The following KHDRBS3 variants were observed in gnomAD, a reference collection of about 807,000 sequenced individuals.
The protein encoded by KHDRBS3 is KH RNA binding domain containing, signal transduction associated 3, also known as KH domain-containing, RNA-binding, signal transduction-associated protein 3.
In KHDRBS3, 23 loss-of-function variants were observed where a neutral mutation model predicts 45.6. The ratio of observed to expected loss-of-function variants is 0.50; its 90% CI spans 0.36 to 0.72. The LOEUF (loss-of-function observed/expected upper bound fraction) is 0.72. Among genes scored for constraint, KHDRBS3 ranks in the 30% least tolerant of loss-of-function variants. The probability of loss-of-function intolerance (pLI) is 0.00; values close to 1 mark genes in which losing one functional copy is unlikely to be tolerated. For synonymous variants in KHDRBS3, 162 were observed against 156.5 expected, an observed-to-expected ratio of 1.04 and a Z score of -0.26; for missense variants, 352 against 424.8, an observed-to-expected ratio of 0.83 and a Z score of 1.51.
chr8:135,526,208 G>A (rs1825177430), intron 2 of KHDRBS3, among the ~76,000 whole-genome samples: 1 of 151,944 alleles, frequency 6.6e-6, no homozygotes. Flanking sequence ...CTCGGAATGT[G>A]TTCACATCAT....
At chr8:135,609,356 G>A (rs183447047) in intron 7 of KHDRBS3, among the ~76,000 whole-genome samples, 923 of 150,232 alleles carry the variant, frequency 6.1e-3, no homozygotes, top group Non-Finnish European at 0.01. Flanking sequence ...ATGCAGTGGC[G>A]TGATCTCAGC....
chr8:135,599,243 T>C (rs1166004513), intron 6 of KHDRBS3, among the ~76,000 whole-genome samples: 2 of 152,248 alleles, frequency 1.3e-5, no homozygotes, highest in Non-Finnish European at 2.9e-5. Context: ...GTTTCGAAGC[T>C]AAAAAGTCAG....
At position 135,542,790 on chromosome 8, in the gene KHDRBS3, A is replaced by C. The variant is rs199553161; in HGVS notation, c.324+20A>C. 9.3e-5 allele frequency: 139 copies of C among 1,490,364 alleles called. No individual in the cohort carries two copies. Among genetic ancestry groups the C allele is most frequent in the Non-Finnish European group, 1.2e-4 (129 of 1,069,392 alleles). 92.3% of individuals were successfully genotyped at this position (1,490,364 alleles called of 1,614,324 possible). On this transcript the variant is annotated intron_variant, in intron 3 of 8. Transcript: ENST00000355849. The stretch of plus-strand genomic sequence containing the variant: ...GCCAAGGTAATATTAATTATAGAAA[A>C]CGGCTAAGTTGTGTATCATGTTATA...
intron 3 of KHDRBS3, among the ~76,000 whole-genome samples, chr8:135,547,699 G>T (rs1277355732): frequency 6.6e-6 from 1 of 152,172 alleles, no homozygotes; most frequent in African/African-American, 2.4e-5. Context: ...TTAAAAGGTG[G>T]TATTGCCAGG....
At chr8:135,509,674 T>C (rs964963306) in intron 1 of KHDRBS3, among the ~76,000 whole-genome samples, 2 of 152,244 alleles carry the variant, frequency 1.3e-5, no homozygotes, top group African/African-American at 2.4e-5. Flanking sequence ...CATTGAAGCA[T>C]TGAATGACTA....
At chr8:135,459,572 A>C (rs540977313) in intron 1 of KHDRBS3, among the ~76,000 whole-genome samples, 1 of 152,294 alleles carries the variant, frequency 6.6e-6, no homozygotes, top group East Asian at 1.9e-4. Flanking sequence ...TTCTTCATAC[A>C]TTGCATGAGA....
chr8:135,597,529 C>T (rs1829025246), intron 6 of KHDRBS3, among the ~76,000 whole-genome samples: 1 of 152,104 alleles, frequency 6.6e-6, no homozygotes, highest in African/African-American at 2.4e-5. Flanking sequence ...AAGGATTTCC[C>T]TGGCCATAGT....
At chr8:135,615,647 A>C (rs1444602027) in intron 7 of KHDRBS3, among the ~76,000 whole-genome samples, 1 of 152,232 alleles carries the variant, frequency 6.6e-6, no homozygotes, top group Non-Finnish European at 1.5e-5. Context: ...TTATTGGAAG[A>C]GTATGGTTAG....
At chr8:135,635,709 A>T (rs1830783058) in intron 7 of KHDRBS3, among the ~76,000 whole-genome samples, 1 of 152,210 alleles carries the variant, frequency 6.6e-6, no homozygotes, top group African/African-American at 2.4e-5. Flanking sequence ...CTTAAAGATT[A>T]GTTGTAACGT....
chr8:135,607,430 T>C (rs537054210), intron 7 of KHDRBS3, among the ~76,000 whole-genome samples: 24 of 152,328 alleles, frequency 1.6e-4, no homozygotes, highest in African/African-American at 5.8e-4. Flanking sequence ...TTCCTATTCA[T>C]AGAACATTTC....
At chr8:135,569,226 A>G (rs1257466050) in intron 5 of KHDRBS3, among the ~76,000 whole-genome samples, 1 of 152,238 alleles carries the variant, frequency 6.6e-6, no homozygotes, top group Admixed American at 6.5e-5. Context: ...TTGAAATATA[A>G]TGCAGTACTT....
chr8:135,542,880 C>A, intron 3 of KHDRBS3, 110 bp downstream of exon 3: 1 of 761,980 alleles, frequency 1.3e-6, no homozygotes, highest in Non-Finnish European at 2.1e-6. Flanking sequence ...ATTTGTGATA[C>A]TGTTTAGAAA....
intron 2 of KHDRBS3, among the ~76,000 whole-genome samples, chr8:135,530,340 T>C (rs978626117): frequency 6.6e-6 from 1 of 152,200 alleles, no homozygotes; most frequent in African/African-American, 2.4e-5. Flanking sequence ...ATAGGAAATG[T>C]GAACAGAACA....
At chr8:135,593,798 C>T (rs967035139) in intron 6 of KHDRBS3, among the ~76,000 whole-genome samples, 5 of 152,016 alleles carry the variant, frequency 3.3e-5, no homozygotes, top group African/African-American at 2.4e-5. Flanking sequence ...GATGCAGAGA[C>T]GAAACACAGT....
intron 1 of KHDRBS3, among the ~76,000 whole-genome samples, chr8:135,462,821 A>G (rs1048883431): frequency 2.6e-5 from 4 of 152,174 alleles, no homozygotes; most frequent in South Asian, 2.1e-4. Flanking sequence ...ACCATGTCCT[A>G]CTGACTCTCA....
intron 1 of KHDRBS3, among the ~76,000 whole-genome samples, chr8:135,475,356 G>T (rs1165264298): frequency 6.6e-6 from 1 of 151,946 alleles, no homozygotes; most frequent in East Asian, 1.9e-4. Context: ...TTTTGCCCAG[G>T]CTGGAATGAA....
At chr8:135,532,740 A>G (rs1008805363) in intron 2 of KHDRBS3, among the ~76,000 whole-genome samples, 11 of 152,170 alleles carry the variant, frequency 7.2e-5, no homozygotes, top group Admixed American at 3.9e-4. Flanking sequence ...CTTGAATCCT[A>G]GAAGTCTGAC....
chr8:135,517,333 T>C (rs1185069654), intron 1 of KHDRBS3, among the ~76,000 whole-genome samples: 1 of 152,196 alleles, frequency 6.6e-6, no homozygotes, highest in Non-Finnish European at 1.5e-5. Context: ...TTTTCTCTAT[T>C]GGTGGCCTCA....
chr8:135,557,137 A>G (rs963249779), intron 4 of KHDRBS3, among the ~76,000 whole-genome samples: 2 of 152,212 alleles, frequency 1.3e-5, no homozygotes, highest in Non-Finnish European at 2.9e-5. Flanking sequence ...GTTGTAAATA[A>G]CAACACCCAT....
Sources: gnomAD v4.1 joint callset for allele counts (sites outside exome capture counted in the v4.1 genomes callset) on GRCh38, gnomAD v4.1.1 for gene constraint, MANE v1.5 for transcripts, NCBI Gene and HGNC (gene_info 2026-07-23, HGNC 2026-07-21) for gene names.